CCSER1: variants seen among roughly 807,000 people sequenced by gnomAD.
CCSER1 encodes coiled-coil serine rich protein 1.
A neutral mutation model predicts 82.0 loss-of-function variants in CCSER1; 41 were observed. That is an observed-to-expected ratio of 0.50 (90% CI 0.39 to 0.65). The LOEUF (loss-of-function observed/expected upper bound fraction) is 0.65. CCSER1 is among the 30% of genes least tolerant of loss of function. CCSER1 has a pLI of 0.00. For missense variants in CCSER1, 1,119 were observed against 1,064.2 expected, an observed-to-expected ratio of 1.05 and a Z score of -0.72; for synonymous variants, 414 against 383.9, an observed-to-expected ratio of 1.08 and a Z score of -0.92.
intron 5 of CCSER1, among the ~76,000 whole-genome samples, chr4:90,486,264 T>C (rs1767041036): frequency 6.6e-6 from 1 of 152,234 alleles, no homozygotes; most frequent in South Asian, 2.1e-4. Context: ...TCTTGATCTA[T>C]CTGGACTATT....
chr4:90,353,208 G>A (rs907903286), intron 3 of CCSER1, among the ~76,000 whole-genome samples: 1 of 151,980 alleles, frequency 6.6e-6, no homozygotes, highest in Non-Finnish European at 1.5e-5. Context: ...TGGGCATTGA[G>A]ATGTATCTGG....
At chr4:90,594,627 T>A (rs1455669333) in intron 5 of CCSER1, among the ~76,000 whole-genome samples, 1 of 152,134 alleles carries the variant, frequency 6.6e-6, no homozygotes, top group African/African-American at 2.4e-5. Flanking sequence ...TCTTTAGGTT[T>A]TGCCTTTATG....
At chr4:91,588,806 TGTTGCTGA>T (rs901245973) in intron 10 of CCSER1, among the ~76,000 whole-genome samples, 66 of 151,936 alleles carry the variant, frequency 4.3e-4, no homozygotes, top group Admixed American at 9.9e-4. Flanking sequence ...GAATTGTGCA[TGTTGCTGA>T]AGGAAAACAT....
At chr4:90,616,302 A>G (rs528175812) in intron 5 of CCSER1, among the ~76,000 whole-genome samples, 63 of 152,274 alleles carry the variant, frequency 4.1e-4, no homozygotes, top group Non-Finnish European at 6.8e-4. Context: ...CAATGATTCT[A>G]GGAAACTTTT....
At chr4:90,670,637 A>G (rs1469860315) in intron 6 of CCSER1, among the ~76,000 whole-genome samples, 3 of 152,078 alleles carry the variant, frequency 2.0e-5, no homozygotes, top group African/African-American at 2.4e-5. Context: ...AGCTGGATCA[A>G]ATAAAGAGAG....
At chr4:90,648,404 A>C (rs1728121889) in intron 6 of CCSER1, among the ~76,000 whole-genome samples, 4 of 152,168 alleles carry the variant, frequency 2.6e-5, no homozygotes, top group Non-Finnish European at 5.9e-5. Context: ...GTCATACTTA[A>C]AGCCTGAAAT....
intron 3 of CCSER1, among the ~76,000 whole-genome samples, chr4:90,386,114 A>G (rs1316414734): frequency 6.6e-6 from 1 of 152,226 alleles, no homozygotes; most frequent in Admixed American, 6.5e-5. Context: ...TGCAATTTCT[A>G]TCAAAATACC....
intron 5 of CCSER1, among the ~76,000 whole-genome samples, chr4:90,480,961 G>C (rs1765853119): frequency 3.3e-5 from 5 of 151,564 alleles, no homozygotes; most frequent in South Asian, 2.1e-4. Context: ...CTATAAATTA[G>C]TTTGGGCAGT....
At chr4:90,810,659 A>ACAACAACAACAG (rs111476889) in intron 7 of CCSER1, among the ~76,000 whole-genome samples, 2 of 150,876 alleles carry the variant, frequency 1.3e-5, no homozygotes, top group South Asian at 2.1e-4. Flanking sequence ...AACAACAACA[A>ACAACAACAACAG]CAACAACAAC....
intron 5 of CCSER1, among the ~76,000 whole-genome samples, chr4:90,605,815 TA>T (rs1388059069): frequency 1.6e-4 from 24 of 151,974 alleles, no homozygotes; most frequent in Non-Finnish European, 2.9e-4. Flanking sequence ...AAGTTTTGTA[TA>T]TTTTTTTTCA....
chr4:90,608,144 G>T (rs918150558), intron 5 of CCSER1, among the ~76,000 whole-genome samples: 2 of 152,138 alleles, frequency 1.3e-5, no homozygotes, highest in Admixed American at 6.5e-5. Context: ...GAAATTTAAG[G>T]TATTTAGATT....
intron 6 of CCSER1, among the ~76,000 whole-genome samples, chr4:90,665,381 G>C (rs1436106487): frequency 1.1e-4 from 16 of 151,480 alleles, no homozygotes; most frequent in African/African-American, 3.6e-4. Flanking sequence ...GAGTGCAGTG[G>C]CGTGATCTCG....
chr4:90,231,344 C>T (rs1210944429), intron 1 of CCSER1, among the ~76,000 whole-genome samples: 1 of 151,928 alleles, frequency 6.6e-6, no homozygotes, highest in Non-Finnish European at 1.5e-5. Flanking sequence ...TGTAATCCAG[C>T]ATATAAACAG....
At chr4:91,396,811 A>G (rs1268685203) in intron 10 of CCSER1, among the ~76,000 whole-genome samples, 2 of 152,076 alleles carry the variant, frequency 1.3e-5, no homozygotes, top group East Asian at 3.8e-4. Context: ...AAAAAATTTT[A>G]AAGCTTATTA....
intron 10 of CCSER1, among the ~76,000 whole-genome samples, chr4:91,221,313 A>C (rs1425877474): frequency 6.6e-6 from 1 of 152,138 alleles, no homozygotes; most frequent in Non-Finnish European, 1.5e-5. Flanking sequence ...TTTTACTATA[A>C]ATATGATTTC....
rs1752974064 is a variant in CCSER1 at position 90,402,230 on chromosome 4, G to T, written c.1603+2101G>T. 3.3e-5 allele frequency among the ~76,000 whole-genome samples: 5 copies of T among 152,194 alleles called. No individual in the cohort carries two copies. In the South Asian group the frequency reaches 1.0e-3, roughly 31 times the overall value. Reference sequence around the variant, plus strand: ...TGATAAAATAGGAGGAGTTGGAGTTGTAGGTTAAAAGAGGCAAATGCAATT... The same window carrying T: ...TGATAAAATAGGAGGAGTTGGAGTTTTAGGTTAAAAGAGGCAAATGCAATT... On this transcript the variant is annotated intron_variant, in intron 4 of 10. Coordinates refer to ENST00000509176, the MANE Select transcript of CCSER1 (RefSeq NM_001145065.2).
chr4:90,928,187 G>A (rs568336292), intron 9 of CCSER1, among the ~76,000 whole-genome samples: 1 of 151,878 alleles, frequency 6.6e-6, no homozygotes, highest in Non-Finnish European at 1.5e-5. Flanking sequence ...TAAAAATTGA[G>A]TTATATATTC....
In CCSER1 at chr4:91,534,128, C is replaced by T. The variant is rs372631836; in HGVS notation, c.2218-64444C>T. ...TTCAAGGTAGCCACAATCTATACTC[C>T]GTCACTTTTTTATAACTTATTTAAA... On this transcript the variant is annotated intron_variant, in intron 10 of 10. Coordinates refer to ENST00000509176, the MANE Select transcript of CCSER1 (RefSeq NM_001145065.2). 2.8e-3 allele frequency among the ~76,000 whole-genome samples: 421 copies of T among 152,048 alleles called. 2 individuals are homozygous for T. The highest frequency in any genetic ancestry group is 0.017 in the South Asian group (82 of 4,814).
At chr4:91,586,209 TTA>T (rs1349582778) in intron 10 of CCSER1, among the ~76,000 whole-genome samples, 1 of 151,670 alleles carries the variant, frequency 6.6e-6, no homozygotes, top group Non-Finnish European at 1.5e-5. Context: ...GATGCAATTA[TTA>T]TGAGTTTAGT....
Sources: gnomAD v4.1 joint callset for allele counts (sites outside exome capture counted in the v4.1 genomes callset) on GRCh38, gnomAD v4.1.1 for gene constraint, MANE v1.5 for transcripts, NCBI Gene and HGNC (gene_info 2026-07-23, HGNC 2026-07-21) for gene names.